Variants in WWOX observed in about 807,000 individuals in gnomAD.
WWOX encodes the protein WW domain-containing oxidoreductase.
Under a neutral mutation model 46.2 loss-of-function variants are expected in WWOX, and 69 were observed. The ratio of observed to expected loss-of-function variants is 1.49; its 90% CI spans 1.23 to 1.82. The LOEUF is 1.82. Ranked by LOEUF, WWOX falls within the 40% of genes most tolerant of loss-of-function variation. WWOX has a pLI of 0.00. For missense variants in WWOX, 919 were observed against 542.6 expected, an observed-to-expected ratio of 1.69 and a Z score of -6.89; for synonymous variants, 359 against 202.6, an observed-to-expected ratio of 1.77 and a Z score of -6.56.
At chr16:78,743,148 G>C (rs947411446) in intron 8 of WWOX, among the ~76,000 whole-genome samples, 5 of 152,062 alleles carry the variant, frequency 3.3e-5, no homozygotes, top group African/African-American at 1.2e-4. Context: ...GTGTGCTGCA[G>C]CCGTTATTGA....
intron 8 of WWOX, among the ~76,000 whole-genome samples, chr16:78,868,381 G>C (rs1006819702): frequency 6.6e-6 from 1 of 152,038 alleles, no homozygotes; most frequent in Non-Finnish European, 1.5e-5. Context: ...GGGAGTGAGT[G>C]GAGGGGATTA....
At chr16:78,406,301 TAA>T (rs1239208873) in intron 6 of WWOX, among the ~76,000 whole-genome samples, 13 of 75,190 alleles carry the variant, frequency 1.7e-4, no homozygotes, top group East Asian at 5.1e-4. Context: ...CATATAAATA[TAA>T]ATATATATAT....
Position 79,168,497 on chromosome 16 carries a change from C to T in WWOX, c.1057-43111C>T, listed in dbSNP as rs553871846. 2.6e-5 allele frequency among the ~76,000 whole-genome samples: 4 copies of T among 152,308 alleles called. No individual in the cohort carries two copies. The East Asian group carries it at 7.7e-4, about 29-fold the overall frequency. ...GTGCATGTGCAACTGAAATATCTGG[C>T]AGGCATCCAGTCCCTGTTATTTCAG... On this transcript the variant is annotated intron_variant, in intron 8 of 8. Coordinates refer to ENST00000566780, the MANE Select transcript of WWOX (RefSeq NM_016373.4).
intron 8 of WWOX, among the ~76,000 whole-genome samples, chr16:78,704,253 C>G (rs1451019266): frequency 2.0e-5 from 3 of 152,026 alleles, no homozygotes; most frequent in East Asian, 3.9e-4. Flanking sequence ...ATTTGATGAT[C>G]TCAACTTGGA....
intron 8 of WWOX, among the ~76,000 whole-genome samples, chr16:78,805,410 G>A (rs570831220): frequency 6.8e-6 from 1 of 146,958 alleles, no homozygotes; most frequent in African/African-American, 2.6e-5. Context: ...ACAGGCACCC[G>A]CCACCTCGCC....
At chr16:78,879,479 AC>A (rs1290665215) in intron 8 of WWOX, among the ~76,000 whole-genome samples, 4 of 148,130 alleles carry the variant, frequency 2.7e-5, no homozygotes, top group African/African-American at 1.0e-4. Flanking sequence ...ATGTAATACC[AC>A]CCTGGTCTTC....
chr16:78,542,295 C>G (rs936274999), intron 8 of WWOX, among the ~76,000 whole-genome samples: 5 of 152,014 alleles, frequency 3.3e-5, no homozygotes, highest in East Asian at 1.9e-4. Context: ...AAGGAGGAGA[C>G]TTTGACTCTA....
intron 8 of WWOX, among the ~76,000 whole-genome samples, chr16:78,598,316 G>A (rs1251740576): frequency 6.6e-6 from 1 of 152,214 alleles, no homozygotes; most frequent in Non-Finnish European, 1.5e-5. Context: ...AGATGTGTAA[G>A]ACTGTCTGTC....
Position 78,337,872 on chromosome 16 carries a change from GAGCT to G in WWOX, c.517-48987_517-48984del, listed in dbSNP as rs2080929679. ...GGAGAGCCGTGTGACCTCAGTGGTA[GAGCT>G]GATGTAGAAGCGCCCTCTCTGTTCC... On this transcript the variant is annotated intron_variant, in intron 5 of 8. Coordinates refer to ENST00000566780, the MANE Select transcript of WWOX (RefSeq NM_016373.4). 5.1e-5 allele frequency among the ~76,000 whole-genome samples: 6 copies of G among 118,450 alleles called. 1 individual carries two copies. The highest frequency in any genetic ancestry group is 8.3e-5 in the Admixed American group (1 of 12,054). 77.7% of individuals were successfully genotyped at this position (118,450 alleles called of 152,430 possible).
chr16:78,878,243 C>T lies in WWOX; in HGVS notation c.1057-333365C>T, dbSNP rs544068035. Reference sequence around the variant, plus strand: ...AACTCCTTAGCCTCATGACATTGGGCAGATGACTGAGCTTGTCTGAGTTAC... The same window carrying T: ...AACTCCTTAGCCTCATGACATTGGGTAGATGACTGAGCTTGTCTGAGTTAC... On this transcript the variant is annotated intron_variant, in intron 8 of 8. Coordinates refer to ENST00000566780, the MANE Select transcript of WWOX (RefSeq NM_016373.4). Among the ~76,000 whole-genome samples, 7 of 152,264 alleles carry T rather than the reference C, an allele frequency of 4.6e-5. No homozygotes were observed. In the South Asian group the frequency reaches 1.5e-3, roughly 32 times the overall value.
At chr16:78,319,181 A>C (rs966540604) in intron 5 of WWOX, among the ~76,000 whole-genome samples, 4 of 152,178 alleles carry the variant, frequency 2.6e-5, no homozygotes, top group Non-Finnish European at 5.9e-5. Flanking sequence ...GGAGGCGGGC[A>C]TGAGCCACAG....
chr16:78,913,290 T>G (rs774661292), intron 8 of WWOX, among the ~76,000 whole-genome samples: 2 of 152,018 alleles, frequency 1.3e-5, no homozygotes, highest in Non-Finnish European at 2.9e-5. Context: ...GCCCGTTTTT[T>G]GCCTCTTCCT....
chr16:78,741,247 GCCAT>G (rs1318709195), intron 8 of WWOX, among the ~76,000 whole-genome samples: 1 of 152,162 alleles, frequency 6.6e-6, no homozygotes, highest in Non-Finnish European at 1.5e-5. Context: ...CCTTAGCATT[GCCAT>G]GTTTAGCAAA....
In WWOX at chr16:78,099,794, T is replaced by G. The variant is rs1239497096; in HGVS notation, c.16T>G (p.Tyr6Asp). 6.4e-7 allele frequency: 1 copy of G among 1,563,402 alleles called. No individual in the cohort carries two copies. Among genetic ancestry groups the G allele is most frequent in the Non-Finnish European group, 8.6e-7 (1 of 1,156,296 alleles). The stretch of plus-strand genomic sequence containing the variant: ...ACAGTCAGCCATGGCAGCGCTGCGC[T>G]ACGCGGGGCTGGACGACACGGACAG... MAALRYAGLDDTDSED... is the reference protein window; with the variant it reads MAALRDAGLDDTDSED... The change falls in exon 1 of 9, where the codon TAC (tyrosine) becomes GAC (aspartate). Residue 6 changes from tyrosine to aspartate, a missense_variant. Transcript: ENST00000566780.
chr16:78,919,277 A>G (rs1020705094), intron 8 of WWOX, among the ~76,000 whole-genome samples: 2 of 152,028 alleles, frequency 1.3e-5, no homozygotes, highest in South Asian at 4.1e-4. Context: ...CCACTTTTAT[A>G]GATGGCTAAG....
intron 8 of WWOX, among the ~76,000 whole-genome samples, chr16:78,646,405 C>A (rs1006817409): frequency 6.6e-6 from 1 of 152,076 alleles, no homozygotes; most frequent in Non-Finnish European, 1.5e-5. Flanking sequence ...TCCTTAGCCT[C>A]CTAACACTCA....
intron 8 of WWOX, among the ~76,000 whole-genome samples, chr16:78,462,609 T>G (rs1208625004): frequency 6.6e-6 from 1 of 152,068 alleles, no homozygotes; most frequent in South Asian, 2.1e-4. Context: ...AGATCAGAGG[T>G]CCGTCTCCAA....
chr16:78,884,964 C>T (rs941521402), intron 8 of WWOX, among the ~76,000 whole-genome samples: 2 of 152,190 alleles, frequency 1.3e-5, no homozygotes, highest in Non-Finnish European at 2.9e-5. Context: ...TTAATGCATA[C>T]CCTCTGAGAC....
At chr16:79,116,625 G>C (rs898398291) in intron 8 of WWOX, among the ~76,000 whole-genome samples, 1 of 152,094 alleles carries the variant, frequency 6.6e-6, no homozygotes, top group African/African-American at 2.4e-5. Context: ...GAGTTCTCTT[G>C]CTATTTCTAC....
Sources: gnomAD v4.1 joint callset for allele counts (sites outside exome capture counted in the v4.1 genomes callset) on GRCh38, gnomAD v4.1.1 for gene constraint, MANE v1.5 for transcripts, NCBI Gene and HGNC (gene_info 2026-07-23, HGNC 2026-07-21) for gene names.